Variants in FAM13B observed in about 807,000 individuals in gnomAD.
FAM13B encodes family with sequence similarity 13 member B.
In FAM13B, 60 loss-of-function variants were observed where a neutral mutation model predicts 117.3. The ratio of observed to expected loss-of-function variants is 0.51; its 90% CI spans 0.42 to 0.63. The LOEUF is 0.63. FAM13B is among the 30% of genes least tolerant of loss of function. The pLI, the probability that FAM13B is intolerant of heterozygous loss-of-function variation, is 0.00. For synonymous variants in FAM13B, 332 were observed against 356.1 expected (o/e 0.93, Z 0.76); for missense variants, 972 against 1,091.9 (o/e 0.89, Z 1.55).
At chr5:137,946,342 C>CAAAAAAAAAAAAA in intron 18 of FAM13B, 31 bp from the exon 19 acceptor site, 2 of 919,178 alleles carry the variant, frequency 2.2e-6, no homozygotes, top group East Asian at 3.3e-5. Context: ...TAACAAAATA[C>CAAAAAAAAAAAAA]AAAAAAAAAA....
At chr5:137,950,964 T>C (rs1764789355) in intron 17 of FAM13B, among the ~76,000 whole-genome samples, 1 of 151,954 alleles carries the variant, frequency 6.6e-6, no homozygotes. Context: ...CCCAGCACTG[T>C]GGGAGGCCAA....
chr5:138,014,600 C>T (rs1404224124), intron 4 of FAM13B, among the ~76,000 whole-genome samples: 1 of 152,212 alleles, frequency 6.6e-6, no homozygotes, highest in Non-Finnish European at 1.5e-5. Context: ...TAGAGCACTG[C>T]CTAGCACACA....
intron 4 of FAM13B, among the ~76,000 whole-genome samples, chr5:138,015,519 A>G (rs1203571044): frequency 1.3e-5 from 2 of 152,210 alleles, no homozygotes; most frequent in Non-Finnish European, 2.9e-5. Flanking sequence ...CCTGGCCAAC[A>G]TGGTGAAACC....
chr5:137,978,580 T>C (rs950716412), intron 10 of FAM13B, among the ~76,000 whole-genome samples: 1 of 152,212 alleles, frequency 6.6e-6, no homozygotes, highest in Non-Finnish European at 1.5e-5. Context: ...TTCTTATTTT[T>C]GTACCTTTGC....
upstream of FAM13B, among the ~76,000 whole-genome samples, chr5:138,034,861 A>G (rs1790942962): frequency 6.6e-6 from 1 of 152,148 alleles, no homozygotes; most frequent in Admixed American, 6.6e-5. Flanking sequence ...GTAAATCCGA[A>G]GAGAGTTAAA....
chr5:137,971,492 G>A (rs1017327989), intron 10 of FAM13B, among the ~76,000 whole-genome samples: 7 of 146,694 alleles, frequency 4.8e-5, no homozygotes. Flanking sequence ...AGCACTAAAT[G>A]TCCACAAGAG....
chr5:137,938,185 TTACA>T lies in FAM13B; in HGVS notation c.*2036_*2039del, dbSNP rs1169605115. 1 of 152,588 alleles carries T rather than the reference TTACA, an allele frequency of 6.6e-6. No homozygotes were observed. Among genetic ancestry groups the T allele is most frequent in the African/African-American group, 2.4e-5 (1 of 41,436 alleles). 9.5% of individuals were successfully genotyped at this position (152,588 alleles called of 1,614,324 possible). On this transcript the variant is annotated 3_prime_UTR_variant, in exon 24 of 24. Coordinates refer to ENST00000689681, the MANE Select transcript of FAM13B (RefSeq NM_001385994.1). ...GAGCATAAGTGCTGCCATGCCACTT[TTACA>T]TATTCTACTCACAGCCAAACATTAA...
At chr5:138,049,332 G>A (rs1034067133) in intron 1 of FAM13B, among the ~76,000 whole-genome samples, 7 of 152,170 alleles carry the variant, frequency 4.6e-5, no homozygotes, top group African/African-American at 1.7e-4. Flanking sequence ...GGAATACAAT[G>A]GCGTGATCTC....
At chr5:137,962,967 C>T (rs559447387) in intron 10 of FAM13B, among the ~76,000 whole-genome samples, 1 of 152,092 alleles carries the variant, frequency 6.6e-6, no homozygotes, top group Admixed American at 6.6e-5. Flanking sequence ...GACACCATCT[C>T]ATCCCTATTC....
chr5:138,046,758 T>C (rs1244213600), intron 1 of FAM13B, among the ~76,000 whole-genome samples: 2 of 152,108 alleles, frequency 1.3e-5, no homozygotes, highest in African/African-American at 4.8e-5. Flanking sequence ...TTTCTTTTCT[T>C]TTTTTTGAAA....
intron 1 of FAM13B, among the ~76,000 whole-genome samples, chr5:138,032,042 A>G (rs1377334011): frequency 6.6e-6 from 1 of 152,224 alleles, no homozygotes; most frequent in African/African-American, 2.4e-5. Context: ...GAAACGGGGA[A>G]CCAAATGAAA....
chr5:137,966,484 TATATAGAGAG>T (rs1262304915), intron 10 of FAM13B, among the ~76,000 whole-genome samples: 41 of 50,610 alleles, frequency 8.1e-4, no homozygotes, highest in Admixed American at 1.0e-3. Flanking sequence ...TATATATATA[TATATAGAGAG>T]AGAGAGAGAG....
At chr5:138,030,990 A>C (rs189917968) in intron 1 of FAM13B, among the ~76,000 whole-genome samples, 320 of 152,020 alleles carry the variant, frequency 2.1e-3, no homozygotes, top group African/African-American at 7.4e-3. Flanking sequence ...CCGAGATTGC[A>C]CCACTGCACT....
chr5:137,968,908 A>T (rs1485684954), intron 10 of FAM13B, among the ~76,000 whole-genome samples: 1 of 152,222 alleles, frequency 6.6e-6, no homozygotes, highest in Non-Finnish European at 1.5e-5. Flanking sequence ...CGACGGGCTT[A>T]AAAAACGGCA....
chr5:137,965,007 A>C (rs910124759), intron 10 of FAM13B, among the ~76,000 whole-genome samples: 1 of 152,068 alleles, frequency 6.6e-6, no homozygotes, highest in Non-Finnish European at 1.5e-5. Flanking sequence ...TCTACTAAAA[A>C]TACAAAAATC....
intron 10 of FAM13B, among the ~76,000 whole-genome samples, chr5:137,979,650 T>C (rs1387714004): frequency 6.6e-6 from 1 of 152,198 alleles, no homozygotes; most frequent in East Asian, 1.9e-4. Context: ...CTGTAATCTT[T>C]ACTTATACTA....
At chr5:138,026,797 A>G (rs1335298043) in intron 1 of FAM13B, among the ~76,000 whole-genome samples, 3 of 151,518 alleles carry the variant, frequency 2.0e-5, no homozygotes, top group Non-Finnish European at 2.9e-5. Context: ...AAATTAGCTG[A>G]GCATGGTGGC....
At chr5:138,048,370 A>G (rs748815200) in intron 1 of FAM13B, among the ~76,000 whole-genome samples, 1 of 152,230 alleles carries the variant, frequency 6.6e-6, no homozygotes, top group Admixed American at 6.5e-5. Flanking sequence ...ATTCAATATA[A>G]TTGTTACTTA....
In FAM13B at chr5:138,050,558, G is replaced by A. The variant is rs766518068; in HGVS notation, c.-203+1320C>T. 5.9e-5 allele frequency among the ~76,000 whole-genome samples: 9 copies of A among 152,198 alleles called. 1 individual carries two copies. The highest frequency in any genetic ancestry group is 9.7e-5 in the African/African-American group (4 of 41,444). On this transcript the variant is annotated intron_variant, in intron 1 of 3. Coordinates refer to the FAM13B transcript ENST00000502471. ...TGCCAGCCCCACCATCTTGGACTCGGAGATACTACAACTCAGAGATTGCCT... is the reference window on the plus strand; with the variant it reads ...TGCCAGCCCCACCATCTTGGACTCGAAGATACTACAACTCAGAGATTGCCT...
Sources: allele counts gnomAD v4.1 joint callset (sites outside exome capture counted in the v4.1 genomes callset), GRCh38; gene constraint gnomAD v4.1.1; transcripts MANE v1.5; gene names NCBI Gene and HGNC (gene_info 2026-07-23, HGNC 2026-07-21).